Variants in UGGT2 observed in about 807,000 individuals in gnomAD.
The protein encoded by UGGT2 is UDP-glucose glycoprotein glucosyltransferase 2.
Under a neutral mutation model 192.1 loss-of-function variants are expected in UGGT2, and 180 were observed. The observed-to-expected ratio is 0.94, with a 90% confidence interval of 0.83 to 1.06. UGGT2 has a LOEUF of 1.06. Ranked by LOEUF, UGGT2 falls within the 50% of genes least tolerant of loss-of-function variation. The pLI, the probability that UGGT2 is intolerant of heterozygous loss-of-function variation, is 0.00. For missense variants in UGGT2, 1,849 were observed against 1,795.7 expected (o/e 1.03, Z -0.54); for synonymous variants, 580 against 591.0 (o/e 0.98, Z 0.27).
rs1026308378 is a variant in UGGT2 at position 95,853,650 on chromosome 13, A to G, written c.4177T>C (p.Tyr1393His). Reference sequence around the variant, plus strand: ...CTGAACTTCTTGAGATCCACTACATATAAAGCACTGCAAAAATGAATTACT... The same window carrying G: ...CTGAACTTCTTGAGATCCACTACATGTAAAGCACTGCAAAAATGAATTACT... Reference protein sequence around the residue: ...LRRKYHISALYVVDLKKFRRI... With the variant: ...LRRKYHISALHVVDLKKFRRI... The change falls in exon 36 of 39, where the codon TAT becomes CAT. Residue 1393 changes from tyrosine (Y) to histidine (H), a missense_variant. Physicochemically the swap from Tyr to His is moderately conservative, Grantham distance 83. Coordinates refer to ENST00000376747, the MANE Select transcript of UGGT2 (RefSeq NM_020121.4). 4.5e-6 allele frequency: 7 copies of G among 1,555,638 alleles called. No homozygotes were observed. Among genetic ancestry groups the G allele is most frequent in the Non-Finnish European group, 6.0e-6 (7 of 1,159,942 alleles).
At chr13:95,902,752 GT>G in intron 21 of UGGT2, 101 bp downstream of exon 21, 1 of 1,137,560 alleles carries the variant, frequency 8.8e-7, no homozygotes, top group East Asian at 2.5e-5. Context: ...ATCTTCATTT[GT>G]TTAAATCTAC....
At chr13:95,915,846 C>CT (rs2048665486) in intron 20 of UGGT2, among the ~76,000 whole-genome samples, 1 of 152,230 alleles carries the variant, frequency 6.6e-6, no homozygotes, top group Non-Finnish European at 1.5e-5. Flanking sequence ...GAGGACCTCC[C>CT]TGCAGAGGCT....
intron 5 of UGGT2, among the ~76,000 whole-genome samples, chr13:96,004,591 GGTTA>G (rs2051911717): frequency 6.6e-6 from 1 of 151,924 alleles, no homozygotes; most frequent in African/African-American, 2.4e-5. Flanking sequence ...CATATGTGCA[GGTTA>G]GTGTATACAT....
chr13:96,045,617 T>G (rs968372235), intron 1 of UGGT2, among the ~76,000 whole-genome samples: 1 of 152,162 alleles, frequency 6.6e-6, no homozygotes, highest in African/African-American at 2.4e-5. Context: ...CTCCAAGAAC[T>G]GATAAAAGAA....
At position 95,830,118 on chromosome 13, in the gene UGGT2, G is replaced by C. The variant is rs546617784; in HGVS notation, c.4528+2809C>G. On this transcript the variant is annotated intron_variant, in intron 38 of 38. Transcript: ENST00000376747. The stretch of plus-strand genomic sequence containing the variant: ...CTGGATCCCTTCCTTACATCTTATA[G>C]AAAAATTAATTCAAGATGGATTAAA... Among the ~76,000 whole-genome samples the C allele has an allele frequency of 1.4e-3, 212 of 152,082 alleles. 1 individual carries two copies. The highest frequency in any genetic ancestry group is 2.1e-3 in the Non-Finnish European group (145 of 67,938).
intron 20 of UGGT2, among the ~76,000 whole-genome samples, chr13:95,904,103 A>C (rs2048196803): frequency 6.6e-6 from 1 of 151,688 alleles, no homozygotes; most frequent in Non-Finnish European, 1.5e-5. Flanking sequence ...TTTTTTGGTT[A>C]TATGTGTAGA....
rs764307964 is a variant in UGGT2 at position 96,023,743 on chromosome 13, A to G, written c.258T>C (p.Tyr86=). 3.1e-6 allele frequency: 5 copies of G among 1,601,178 alleles called. No homozygotes were observed. Among genetic ancestry groups the G allele is most frequent in the Non-Finnish European group, 4.3e-6 (5 of 1,171,704 alleles). The change falls in exon 3 of 39, where the codon TAT becomes TAC. Residue 86 remains tyrosine (Y), a synonymous_variant. Coordinates refer to ENST00000376747, the MANE Select transcript of UGGT2 (RefSeq NM_020121.4). ...CAGCTTTCTTCAGGATTAAGTTGTA[A>G]TAAGAATAATCTGATTCTATAAAAA... The part of the protein sequence containing the change: ...IYKQTESDYS[Y]YNLILKKAGQ...
At chr13:95,884,421 T>C (rs959239866) in intron 27 of UGGT2, 70 bp downstream of exon 27, 1 of 1,282,496 alleles carries the variant, frequency 7.8e-7, no homozygotes, top group Non-Finnish European at 1.1e-6. Flanking sequence ...GCTCACTTGC[T>C]ACAATTGTAA....
chr13:95,991,495 A>G (rs1310309029), intron 7 of UGGT2: 1 of 454,000 alleles, frequency 2.2e-6, no homozygotes, highest in Admixed American at 2.4e-5. Flanking sequence ...GAAATAAAAA[A>G]TACAGAATAT....
chr13:95,837,486 A>G (rs569449964), intron 36 of UGGT2, among the ~76,000 whole-genome samples: 1 of 152,324 alleles, frequency 6.6e-6, no homozygotes, highest in Non-Finnish European at 1.5e-5. Context: ...AGTCCCCACA[A>G]TGGACAGCCT....
At chr13:95,949,311 G>A (rs774565989) in intron 13 of UGGT2, 24 bp downstream of exon 13, 1 of 1,483,484 alleles carries the variant, frequency 6.7e-7, no homozygotes, top group Non-Finnish European at 9.0e-7. Flanking sequence ...AGATATATAT[G>A]TATAATCAAA....
At chr13:95,929,144 G>C (rs993484280) in intron 17 of UGGT2, among the ~76,000 whole-genome samples, 3 of 152,202 alleles carry the variant, frequency 2.0e-5, no homozygotes, top group African/African-American at 7.2e-5. Flanking sequence ...GATGGAGGCA[G>C]TACAGTCCAG....
At chr13:95,987,682 C>T (rs2051331970) in intron 8 of UGGT2, among the ~76,000 whole-genome samples, 2 of 152,218 alleles carry the variant, frequency 1.3e-5, no homozygotes, top group African/African-American at 2.4e-5. Context: ...AAACTTAATA[C>T]TTTTAATGGA....
At chr13:95,838,972 T>A (rs921413061) in intron 36 of UGGT2, among the ~76,000 whole-genome samples, 2 of 152,154 alleles carry the variant, frequency 1.3e-5, no homozygotes, top group Admixed American at 1.3e-4. Flanking sequence ...TCACTGTCCC[T>A]CATTCCTTGA....
At chr13:95,831,478 C>T (rs1234042402) in intron 38 of UGGT2, among the ~76,000 whole-genome samples, 3 of 152,056 alleles carry the variant, frequency 2.0e-5, no homozygotes, top group Admixed American at 1.3e-4. Flanking sequence ...AAAGGCTACA[C>T]TGTATTTCAT....
At chr13:95,957,466 T>G (rs2050244535) in intron 12 of UGGT2, among the ~76,000 whole-genome samples, 1 of 152,198 alleles carries the variant, frequency 6.6e-6, no homozygotes, top group African/African-American at 2.4e-5. Context: ...ATTAGCAGTC[T>G]TATCAGTGCT....
chr13:95,939,636 T>C (rs1377215791), intron 16 of UGGT2, among the ~76,000 whole-genome samples: 1 of 152,208 alleles, frequency 6.6e-6, no homozygotes, highest in Non-Finnish European at 1.5e-5. Flanking sequence ...AATTATCATA[T>C]GCATTACCTC....
intron 5 of UGGT2, among the ~76,000 whole-genome samples, chr13:96,013,020 T>C (rs559477342): frequency 6.6e-6 from 1 of 152,194 alleles, no homozygotes; most frequent in East Asian, 1.9e-4. Context: ...TCAGATTTCT[T>C]AATTGCAAAT....
At chr13:95,992,614 A>C (rs2051492994) in intron 7 of UGGT2, among the ~76,000 whole-genome samples, 1 of 152,198 alleles carries the variant, frequency 6.6e-6, no homozygotes, top group South Asian at 2.1e-4. Context: ...TCCTAGGCAA[A>C]AGACATGAAC....
Sources: gnomAD v4.1 joint callset for allele counts (sites outside exome capture counted in the v4.1 genomes callset) on GRCh38, gnomAD v4.1.1 for gene constraint, MANE v1.5 for transcripts, NCBI Gene and HGNC (gene_info 2026-07-23, HGNC 2026-07-21) for gene names.